Variants in ALDH16A1 observed in about 807,000 individuals in gnomAD.
ALDH16A1 encodes aldehyde dehydrogenase 16 family member A1, also known as aldehyde dehydrogenase family 16 member A1.
Under a neutral mutation model 96.1 loss-of-function variants are expected in ALDH16A1, and 88 were observed. The observed-to-expected ratio is 0.92, with a 90% CI of 0.77 to 1.09. ALDH16A1 has a LOEUF of 1.09. Ranked by LOEUF, ALDH16A1 falls within the 50% of genes least tolerant of loss-of-function variation. The probability of loss-of-function intolerance (pLI) is 0.00; values close to 1 mark genes in which losing one functional copy is unlikely to be tolerated. For missense variants in ALDH16A1, 1,250 were observed against 1,112.6 expected (o/e 1.12, Z -1.76); for synonymous variants, 522 against 496.4 (o/e 1.05, Z -0.69).
Position 49,460,913 on chromosome 19 carries a change from T to TGG in ALDH16A1, c.577+19_577+20dup. The TGG allele has an allele frequency of 6.2e-7, 1 of 1,610,684 alleles. No individual in the cohort carries two copies. On this transcript the variant is annotated intron_variant, in intron 5 of 16. Coordinates refer to ENST00000293350, the MANE Select transcript of ALDH16A1 (RefSeq NM_153329.4). ...CCCTGGCTGTGGGTAAATGATGGCC[T>TGG]GGGGGGTCCTGACTCTTGGGTCTGA...
At chr19:49,464,367 G>T in intron 10 of ALDH16A1, 50 bp from the exon 11 acceptor site, 2 of 1,562,792 alleles carry the variant, frequency 1.3e-6, no homozygotes, top group Non-Finnish European at 1.7e-6. Flanking sequence ...CCCTCTCCCG[G>T]CCTGCCACCG....
In ALDH16A1 at chr19:49,470,690, C is replaced by G; in HGVS notation, c.*223C>G. The G allele has an allele frequency of 2.3e-6, 1 of 431,394 alleles. No individual in the cohort carries two copies. Among genetic ancestry groups the G allele is most frequent in the Non-Finnish European group, 3.9e-6 (1 of 256,106 alleles). 26.7% of individuals were successfully genotyped at this position (431,394 alleles called of 1,614,324 possible). A position where few individuals can be genotyped will look rare whatever the true frequency, so the allele number is the denominator to read the frequency against. On this transcript the variant is annotated 3_prime_UTR_variant, in exon 17 of 17. Coordinates refer to ENST00000293350, the MANE Select transcript of ALDH16A1 (RefSeq NM_153329.4). ...TTGAGACAACGTCTGGCTCTGTCAC[C>G]CAGGCTGGAGCGCAGTGGCACAATC...
intron 14 of ALDH16A1, among the ~76,000 whole-genome samples, chr19:49,467,399 T>TC: frequency 6.8e-6 from 1 of 147,856 alleles, no homozygotes; most frequent in East Asian, 2.0e-4. Context: ...TTTCTTTCTT[T>TC]TTTTTTTTTT....
Position 49,468,337 on chromosome 19 carries a change from G to A in ALDH16A1, c.1939-44G>A. 6.4e-7 allele frequency: 1 copy of A among 1,571,100 alleles called. No individual in the cohort carries two copies. The highest frequency in any genetic ancestry group is 8.6e-7 in the Non-Finnish European group (1 of 1,160,982). On this transcript the variant is annotated intron_variant, in intron 14 of 16. Transcript: ENST00000293350. The surrounding 1 kb of genome is among the most constrained non-coding windows in gnomAD (Gnocchi z 4.4). Reference sequence around the variant, plus strand: ...GGAACTGGATCTCTCATTTACTGCGGGCGGGGCTCCCCTGCCCCACACGTG... The same window carrying A: ...GGAACTGGATCTCTCATTTACTGCGAGCGGGGCTCCCCTGCCCCACACGTG...
chr19:49,458,136 G>T (rs144308395), intron 1 of ALDH16A1, among the ~76,000 whole-genome samples: 2 of 151,862 alleles, frequency 1.3e-5, no homozygotes, highest in Non-Finnish European at 2.9e-5. Flanking sequence ...GGAGAATAGC[G>T]TGAACCCAGG....
chr19:49,468,766 AC>A lies in ALDH16A1; in HGVS notation c.2125-92del. The A allele has an allele frequency of 2.8e-6, 4 of 1,429,526 alleles. No individual in the cohort carries two copies. Among genetic ancestry groups the A allele is most frequent in the Admixed American group, 1.9e-5 (1 of 52,928 alleles). The allele number at this position is 1,429,526 out of a possible 1,614,324, so 88.6% of individuals were successfully genotyped here. On this transcript the variant is annotated intron_variant, in intron 15 of 16. Coordinates refer to ENST00000293350, the MANE Select transcript of ALDH16A1 (RefSeq NM_153329.4). This position sits in a 1 kb window ranked among gnomAD's most constrained non-coding sequence, Gnocchi z 4.4. ...TAGGCCTGGGGCTTTCTCCTCCATG[AC>A]CCCCCATCCCCTTCCCTCCCATGGG...
chr19:49,454,031 G>GTTT (rs3033555), intron 1 of ALDH16A1, among the ~76,000 whole-genome samples: 1 of 135,208 alleles, frequency 7.4e-6, no homozygotes, highest in African/African-American at 2.7e-5. Flanking sequence ...TTTTTTTTTT[G>GTTT]TTTTTTTTTT....
intron 14 of ALDH16A1, among the ~76,000 whole-genome samples, chr19:49,466,603 G>A (rs1222548732): frequency 1.3e-5 from 2 of 152,228 alleles, no homozygotes; most frequent in Non-Finnish European, 2.9e-5. Context: ...GCTCACGCCT[G>A]TAATCCCAGT....
intron 7 of ALDH16A1, 58 bp downstream of exon 7, chr19:49,462,094 A>G: frequency 4.8e-6 from 7 of 1,472,234 alleles, no homozygotes; most frequent in Non-Finnish European, 6.2e-6. Flanking sequence ...GTCTGTCTCC[A>G]GTCTTCGGGG....
In ALDH16A1 at chr19:49,459,090, A is replaced by G; in HGVS notation, c.320+4A>G. 6.2e-7 allele frequency: 1 copy of G among 1,611,934 alleles called. No homozygotes were observed. On this transcript the variant is annotated splice_donor_region_variant and intron_variant, in intron 3 of 16. Transcript: ENST00000293350. The surrounding 1 kb of genome is among the most constrained non-coding windows in gnomAD (Gnocchi z 4.1). ...TCCGGGCCCAGCACCTGACCAGGTG[A>G]TGCAGCTGAGGTGTGGACCCCGGGA... is the stretch of plus-strand genomic sequence containing the variant.
rs767907843 is a variant in ALDH16A1, at chr19:49,470,324, T to C, written c.2266T>C (p.Trp756Arg). Reference protein sequence around the residue: ...GSAQGSQFVEWASAGNLKPVW... With the variant: ...GSAQGSQFVERASAGNLKPVW... ...CCCTCAGGGTTCCCAGTTTGTCGAG[T>C]GGGCCTCGGCAGGAAACCTCAAACC... The change falls in exon 17 of 17, where the codon TGG becomes CGG. Residue 756 changes from tryptophan (W) to arginine (R), a missense_variant. By Grantham distance (101) the Trp-to-Arg change is moderately radical. Coordinates refer to ENST00000293350, the MANE Select transcript of ALDH16A1 (RefSeq NM_153329.4). 3 of 1,613,306 alleles carry C rather than the reference T, an allele frequency of 1.9e-6. No homozygotes were observed. In the Admixed American group the frequency reaches 5.0e-5, roughly 27 times the overall value.
chr19:49,462,160 T>G, intron 7 of ALDH16A1, 124 bp downstream of exon 7: 1 of 1,339,580 alleles, frequency 7.5e-7, no homozygotes, highest in South Asian at 1.6e-5. Context: ...GAGACGGAGT[T>G]TCACTCTTGT....
intron 7 of ALDH16A1, 146 bp downstream of exon 7, chr19:49,462,182 G>A: frequency 8.0e-7 from 1 of 1,256,336 alleles, no homozygotes; most frequent in Non-Finnish European, 1.0e-6. Flanking sequence ...GCCCAGGCTG[G>A]GGTGCAGCGG....
intron 1 of ALDH16A1, among the ~76,000 whole-genome samples, chr19:49,457,406 G>A (rs1601018235): frequency 6.6e-6 from 1 of 151,604 alleles, no homozygotes; most frequent in South Asian, 2.1e-4. Context: ...AAATTAGCCA[G>A]GCGTGGTGGC....
At chr19:49,455,862 A>T (rs1199340788) in intron 1 of ALDH16A1, among the ~76,000 whole-genome samples, 1 of 152,222 alleles carries the variant, frequency 6.6e-6, no homozygotes, top group Non-Finnish European at 1.5e-5. Flanking sequence ...TCAACCAACA[A>T]ACATGTTTTC....
chr19:49,455,193 G>A (rs1227488274), intron 1 of ALDH16A1, among the ~76,000 whole-genome samples: 6 of 149,490 alleles, frequency 4.0e-5, no homozygotes, highest in Non-Finnish European at 5.9e-5. Context: ...CGAGGCGGGC[G>A]GATCATGAGG....
At chr19:49,460,443 C>T (rs376102375) in intron 4 of ALDH16A1, among the ~76,000 whole-genome samples, 13 of 147,106 alleles carry the variant, frequency 8.8e-5, no homozygotes, top group East Asian at 8.3e-4. Context: ...GATGGAGTTT[C>T]GCTCTTTGTT....
At chr19:49,454,167 C>T (rs535577092) in intron 1 of ALDH16A1, among the ~76,000 whole-genome samples, 3 of 152,010 alleles carry the variant, frequency 2.0e-5, no homozygotes, top group East Asian at 1.9e-4. Context: ...GGACCAGAGA[C>T]GCGCGCCACC....
chr19:49,453,252 A>T lies in ALDH16A1; in HGVS notation c.-80A>T, dbSNP rs2079081151. The T allele has an allele frequency of 9.2e-6, 12 of 1,302,560 alleles. No homozygotes were observed. The South Asian group carries it at 1.6e-4, about 17-fold the overall frequency. The allele number at this position is 1,302,560 out of a possible 1,614,324, so 80.7% of individuals were successfully genotyped here. On this transcript the variant is annotated 5_prime_UTR_variant, in exon 1 of 17. Transcript: ENST00000293350. ...CCCCGCCCCTTTGGGCTGGAACCGG[A>T]GGTGTCGCTCTTCGGACCTCAAGGT...
Sources: allele counts gnomAD v4.1 joint callset (sites outside exome capture counted in the v4.1 genomes callset), GRCh38; gene constraint gnomAD v4.1.1; non-coding constraint Gnocchi (gnomAD v3.1); transcripts MANE v1.5; gene names NCBI Gene and HGNC (gene_info 2026-07-23, HGNC 2026-07-21).